The following CD200R1 variants were observed in gnomAD, a reference collection of about 807,000 sequenced individuals.
CD200R1 encodes the protein cell surface glycoprotein CD200 receptor 1.
Under a neutral mutation model 38.1 loss-of-function variants are expected in CD200R1, and 30 were observed. That is an observed-to-expected ratio of 0.79 (90% CI 0.59 to 1.07). The LOEUF is 1.07. Ranked by LOEUF, CD200R1 falls within the 50% of genes least tolerant of loss-of-function variation. CD200R1 has a pLI of 0.00. For missense variants in CD200R1, 372 were observed against 415.4 expected (o/e 0.90, Z 0.91); for synonymous variants, 128 against 152.1 (o/e 0.84, Z 1.16).
At chr3:112,960,134 A>C (rs976837099) in intron 1 of CD200R1, among the ~76,000 whole-genome samples, 8 of 152,064 alleles carry the variant, frequency 5.3e-5, no homozygotes, top group African/African-American at 1.9e-4. Flanking sequence ...TCAGAAATTC[A>C]AATTAGGCTG....
chr3:112,967,734 T>C, intron 1 of CD200R1, among the ~76,000 whole-genome samples: 1 of 152,208 alleles, frequency 6.6e-6, no homozygotes, highest in Non-Finnish European at 1.5e-5. Flanking sequence ...TGTCCCCACT[T>C]GAATACTTGC....
At chr3:112,943,383 G>A (rs946177376) in intron 2 of CD200R1, among the ~76,000 whole-genome samples, 1 of 151,270 alleles carries the variant, frequency 6.6e-6, no homozygotes, top group Non-Finnish European at 1.5e-5. Flanking sequence ...ATAATGCATA[G>A]GTGAAAAAAG....
At chr3:112,944,448 T>A (rs1250166357) in intron 2 of CD200R1, among the ~76,000 whole-genome samples, 4 of 148,384 alleles carry the variant, frequency 2.7e-5, no homozygotes, top group African/African-American at 5.0e-5. Flanking sequence ...TATGATTTTT[T>A]AAAAACTCTC....
At chr3:112,942,014 T>A (rs1404078439) in intron 2 of CD200R1, among the ~76,000 whole-genome samples, 1 of 151,630 alleles carries the variant, frequency 6.6e-6, no homozygotes, top group Non-Finnish European at 1.5e-5. Flanking sequence ...GAAGGAGAAA[T>A]AAAGATGTTC....
intron 1 of CD200R1, among the ~76,000 whole-genome samples, chr3:112,954,440 T>C (rs1159199774): frequency 2.0e-5 from 3 of 152,204 alleles, no homozygotes; most frequent in Non-Finnish European, 2.9e-5. Flanking sequence ...CAAAGTGATG[T>C]CTTTTGTGTA....
chr3:112,924,651 AT>A, intron 6 of CD200R1, 116 bp from the exon 7 acceptor site: 1 of 597,434 alleles, frequency 1.7e-6, no homozygotes, highest in South Asian at 6.1e-5. Context: ...AGAAGCCATA[AT>A]AAATCAGAAA....
chr3:112,947,975 G>T, intron 1 of CD200R1, 51 bp from the exon 2 acceptor site: 1 of 1,061,284 alleles, frequency 9.4e-7, no homozygotes, highest in African/African-American at 1.6e-5. Flanking sequence ...TGCATTAATA[G>T]ATCTGACTCC....
chr3:112,964,730 T>G (rs144321397), intron 1 of CD200R1, among the ~76,000 whole-genome samples: 2 of 152,210 alleles, frequency 1.3e-5, no homozygotes, highest in Non-Finnish European at 2.9e-5. Flanking sequence ...AATCAAGACT[T>G]TGGGGAACTG....
In CD200R1 at chr3:112,928,906, A is replaced by C. The variant is rs1403821114; in HGVS notation, c.679T>G (p.Cys227Gly). 1 of 1,613,974 alleles carries C rather than the reference A, an allele frequency of 6.2e-7. No individual in the cohort carries two copies. The highest frequency in any genetic ancestry group is 8.5e-7 in the Non-Finnish European group (1 of 1,179,972). Residue 227 changes from cysteine (C) to glycine (G), a missense_variant, in exon 5 of 8, where the codon TGC becomes GGC. By Grantham distance (159) the Cys-to-Gly change is radical. Transcript: ENST00000308611. The stretch of plus-strand genomic sequence containing the variant: ...GACACATTGTGGACCTCCCAGTGGC[A>C]TGTACTCTTAACAGTCACTGTGCCA... ...SNGTVTVKST[C>G]HWEVHNVSTV...
At chr3:112,943,937 AT>A (rs1940782203) in intron 2 of CD200R1, among the ~76,000 whole-genome samples, 1 of 151,908 alleles carries the variant, frequency 6.6e-6, no homozygotes, top group African/African-American at 2.4e-5. Context: ...TAGTAAATAA[AT>A]TAAAGGAGAA....
chr3:112,935,989 C>T (rs1940568807), intron 2 of CD200R1, among the ~76,000 whole-genome samples: 2 of 152,132 alleles, frequency 1.3e-5, no homozygotes, highest in African/African-American at 4.8e-5. Flanking sequence ...TGTGTTTCCA[C>T]CCTCCATATG....
intron 1 of CD200R1, 30 bp downstream of exon 1, chr3:112,974,761 A>C (rs781157201): frequency 6.9e-7 from 1 of 1,442,348 alleles, no homozygotes; most frequent in Non-Finnish European, 9.8e-7. Context: ...CAGGTTTCTC[A>C]CTGTTCTCCC....
Position 112,929,477 on chromosome 3 carries a change from G to T in CD200R1, c.233C>A (p.Thr78Lys), listed in dbSNP as rs1940371230. ...AGGAGGGCAACAAAGCACAGCATTT[G>T]TAGCCATCTTTACAGGCCATGAAGT... ...VNTSWPVKMA[T>K]NAVLCCPPIA... Residue 78 changes from threonine to lysine, a missense_variant, in exon 4 of 8, where the codon ACA becomes AAA. By Grantham distance (78) the Thr-to-Lys change is moderately conservative. Transcript: ENST00000308611. 1 of 1,613,540 alleles carries T rather than the reference G, an allele frequency of 6.2e-7. No individual in the cohort carries two copies. Among genetic ancestry groups the T allele is most frequent in the Non-Finnish European group, 8.5e-7 (1 of 1,179,802 alleles).
At chr3:112,932,254 T>C (rs1000684429) in intron 2 of CD200R1, among the ~76,000 whole-genome samples, 1 of 152,086 alleles carries the variant, frequency 6.6e-6, no homozygotes, top group Admixed American at 6.5e-5. Context: ...CAGCTGGCTA[T>C]ACATTTGCTG....
chr3:112,955,633 C>T (rs954812188), intron 1 of CD200R1, among the ~76,000 whole-genome samples: 1 of 151,762 alleles, frequency 6.6e-6, no homozygotes, highest in African/African-American at 2.4e-5. Flanking sequence ...CTCAGCCTCC[C>T]GAGTAGCTGG....
At chr3:112,966,077 A>G (rs1157829229) in intron 1 of CD200R1, among the ~76,000 whole-genome samples, 1 of 152,206 alleles carries the variant, frequency 6.6e-6, no homozygotes, top group Non-Finnish European at 1.5e-5. Flanking sequence ...TGAATGAGGC[A>G]AGGTTCCTGC....
At chr3:112,958,333 A>T (rs554096538) in intron 1 of CD200R1, among the ~76,000 whole-genome samples, 2 of 152,304 alleles carry the variant, frequency 1.3e-5, no homozygotes, top group East Asian at 3.9e-4. Context: ...ACATTGACAA[A>T]TCTCAGAATC....
chr3:112,958,489 G>T (rs1418995387), intron 1 of CD200R1, among the ~76,000 whole-genome samples: 1 of 152,108 alleles, frequency 6.6e-6, no homozygotes, highest in South Asian at 2.1e-4. Context: ...GGAAGGGATG[G>T]ACTAAAGATA....
At chr3:112,961,681 T>C (rs1270465950) in intron 1 of CD200R1, among the ~76,000 whole-genome samples, 1 of 151,900 alleles carries the variant, frequency 6.6e-6, no homozygotes, top group Non-Finnish European at 1.5e-5. Context: ...GAAACTTCTG[T>C]ATGACAAAAA....
Sources: allele counts gnomAD v4.1 joint callset (sites outside exome capture counted in the v4.1 genomes callset), GRCh38; gene constraint gnomAD v4.1.1; transcripts MANE v1.5; gene names NCBI Gene and HGNC (gene_info 2026-07-23, HGNC 2026-07-21).